Variants in PLB1 observed in about 807,000 individuals in gnomAD.
The protein encoded by PLB1 is phospholipase B1, membrane-associated.
In PLB1, 242 loss-of-function variants were observed where a neutral mutation model predicts 227.4. That is an observed-to-expected ratio of 1.06 (90% CI 0.96 to 1.18). The LOEUF (loss-of-function observed/expected upper bound fraction) is 1.18. PLB1 is among the 50% of genes most tolerant of loss of function. The pLI, the probability that PLB1 is intolerant of heterozygous loss-of-function variation, is 0.00. For missense variants in PLB1, 1,858 were observed against 1,816.3 expected, an observed-to-expected ratio of 1.02 and a Z score of -0.42; for synonymous variants, 757 against 682.2, an observed-to-expected ratio of 1.11 and a Z score of -1.71.
At chr2:28,569,424 A>G (rs1369665435) in intron 20 of PLB1, among the ~76,000 whole-genome samples, 1 of 152,140 alleles carries the variant, frequency 6.6e-6, no homozygotes, top group East Asian at 1.9e-4. Flanking sequence ...GTGTGGATCC[A>G]TATTAGTAAA....
intron 2 of PLB1, 22 bp downstream of exon 2, chr2:28,516,891 A>C: frequency 6.2e-7 from 1 of 1,609,806 alleles, no homozygotes; most frequent in Non-Finnish European, 8.5e-7. Flanking sequence ...GGCTGGTGGG[A>C]GGTGCGTGTG....
Position 28,598,693 on chromosome 2 carries a change from G to C in PLB1, c.2407G>C (p.Val803Leu). ...EFNRNLTGYA[V>L]GTGDANDTNA... The stretch of plus-strand genomic sequence containing the variant: ...TAACAGAAACCTCACAGGCTACGCC[G>C]TGGGCACGGGTGATGCCAATGACAC... Residue 803 changes from valine (V) to leucine (L), a missense_variant, in exon 35 of 58, where the codon GTG (valine) becomes CTG (leucine). Val to Leu is a conservative substitution (Grantham distance 32, BLOSUM62 1). Coordinates refer to ENST00000327757, the MANE Select transcript of PLB1 (RefSeq NM_153021.5). 2 of 1,614,218 alleles carry C rather than the reference G, an allele frequency of 1.2e-6. No homozygotes were observed. The highest frequency in any genetic ancestry group is 2.2e-5 in the South Asian group (2 of 91,092).
At position 28,539,229 on chromosome 2, in the gene PLB1, G is replaced by C. The variant is rs1439711251; in HGVS notation, c.698+51G>C. The C allele has an allele frequency of 4.7e-6, 7 of 1,499,066 alleles. No homozygotes were observed. The African/African-American group carries it at 8.3e-5, about 18-fold the overall frequency. The allele number at this position is 1,499,066 out of a possible 1,614,324, so 92.9% of individuals were successfully genotyped here. On this transcript the variant is annotated intron_variant, in intron 11 of 57. Transcript: ENST00000327757. ...CGCATCTGTGACACGGCTGTCACGT[G>C]TGCGGCCTGTGGGGGCCCTTCATGT... is the stretch of plus-strand genomic sequence containing the variant.
Position 28,573,314 on chromosome 2 carries a change from G to A in PLB1, c.1433+9G>A. 6.2e-7 allele frequency: 1 copy of A among 1,603,416 alleles called. No individual in the cohort carries two copies. The highest frequency in any genetic ancestry group is 8.5e-7 in the Non-Finnish European group (1 of 1,170,938). On this transcript the variant is annotated intron_variant, in intron 21 of 57. Transcript: ENST00000327757. The stretch of plus-strand genomic sequence containing the variant: ...GCAGGAGGCCGAGCTGAGTAAGCAG[G>A]GGTGACCGGGGCGGTGAACAGCACA...
Position 28,599,981 on chromosome 2 carries a change from C to A in PLB1, c.2475-828C>A, listed in dbSNP as rs528382016. 6.6e-5 allele frequency among the ~76,000 whole-genome samples: 10 copies of A among 152,228 alleles called. No individual in the cohort carries two copies. In the South Asian group the frequency reaches 2.1e-3, roughly 32 times the overall value. On this transcript the variant is annotated intron_variant, in intron 35 of 57. Coordinates refer to ENST00000327757, the MANE Select transcript of PLB1 (RefSeq NM_153021.5). ...TGAGTGCTATGGCATGATCTCAGTT[C>A]ACTGCAACCTTCACCTCCCAGGTTT...
At chr2:28,597,236 C>T (rs534287200) in intron 33 of PLB1, among the ~76,000 whole-genome samples, 2 of 146,168 alleles carry the variant, frequency 1.4e-5, no homozygotes, top group South Asian at 4.3e-4. Context: ...TGCACTCCAG[C>T]CTGGGCGACA....
chr2:28,598,047 T>C lies in PLB1; in HGVS notation c.2364T>C (p.Pro788=). The C allele has an allele frequency of 6.2e-7, 1 of 1,612,216 alleles. No homozygotes were observed. Reference sequence around the variant, plus strand: ...CCCTGGAGAATGTGACCACCTTACCTAGTAAGTAACCATCAGGGGCTTGAA... The same window carrying C: ...CCCTGGAGAATGTGACCACCTTACCCAGTAAGTAACCATCAGGGGCTTGAA... ...DGSLENVTTL[P]NILREFNRNL... is the part of the protein sequence containing the mutation. The change falls in exon 34 of 58, where the codon CCT becomes CCC. Residue 788 remains proline (P), a splice_region_variant and synonymous_variant. Coordinates refer to ENST00000327757, the MANE Select transcript of PLB1 (RefSeq NM_153021.5).
chr2:28,519,131 G>T (rs1669189416), intron 3 of PLB1, among the ~76,000 whole-genome samples: 1 of 152,200 alleles, frequency 6.6e-6, no homozygotes, highest in African/African-American at 2.4e-5. Flanking sequence ...TGACCAGGGA[G>T]TATGATCAGT....
At chr2:28,629,764 T>A (rs1038522147) in intron 53 of PLB1, among the ~76,000 whole-genome samples, 2 of 152,190 alleles carry the variant, frequency 1.3e-5, no homozygotes, top group Non-Finnish European at 1.5e-5. Context: ...TAGCTGGGCT[T>A]GGAGGCAAGG....
At chr2:28,536,501 G>A (rs1671697498) in intron 9 of PLB1, among the ~76,000 whole-genome samples, 1 of 152,218 alleles carries the variant, frequency 6.6e-6, no homozygotes, top group South Asian at 2.1e-4. Flanking sequence ...GCCTTTTGGA[G>A]GGTACACTGG....
At chr2:28,549,449 C>T (rs1673869503) in intron 15 of PLB1, among the ~76,000 whole-genome samples, 1 of 103,414 alleles carries the variant, frequency 9.7e-6, no homozygotes, top group Non-Finnish European at 1.8e-5. Flanking sequence ...CGGAGTCTCG[C>T]CCTGTTGCCA....
chr2:28,628,069 C>T (rs1358015608), intron 51 of PLB1, among the ~76,000 whole-genome samples: 1 of 152,194 alleles, frequency 6.6e-6, no homozygotes, highest in Non-Finnish European at 1.5e-5. Flanking sequence ...CAGCCTCCTA[C>T]TGGGGAGATG....
intron 38 of PLB1, 69 bp from the exon 39 acceptor site, chr2:28,602,752 T>G (rs1684102185): frequency 1.4e-6 from 2 of 1,403,562 alleles, no homozygotes; most frequent in Non-Finnish European, 2.0e-6. Context: ...AACCCATTCC[T>G]AGGGGCCCTG....
intron 25 of PLB1, among the ~76,000 whole-genome samples, chr2:28,584,336 C>T (rs1015728841): frequency 1.8e-4 from 27 of 152,248 alleles, no homozygotes; most frequent in African/African-American, 5.8e-4. Context: ...GAAGGCCTCA[C>T]GGTGCTGTGA....
intron 54 of PLB1, 97 bp downstream of exon 54, chr2:28,630,761 C>T: frequency 1.0e-6 from 1 of 963,140 alleles, no homozygotes; most frequent in Non-Finnish European, 1.6e-6. Context: ...TGGCCAAGAG[C>T]AAGCCACTCC....
chr2:28,515,758 T>A (rs79997991), intron 1 of PLB1, among the ~76,000 whole-genome samples: 3,946 of 152,278 alleles, frequency 0.026, 93 homozygotes, highest in Non-Finnish European at 0.037. Flanking sequence ...CATGCGCTTA[T>A]AAGGAAGATG....
At chr2:28,558,152 G>GTC (rs1186580927) in intron 17 of PLB1, among the ~76,000 whole-genome samples, 27 of 84,888 alleles carry the variant, frequency 3.2e-4, no homozygotes, top group African/African-American at 6.7e-4. Flanking sequence ...GGGTGTGTGT[G>GTC]TCTCTGTGTG....
chr2:28,598,774 G>A lies in PLB1; in HGVS notation c.2474+14G>A. On this transcript the variant is annotated intron_variant, in intron 35 of 57. Coordinates refer to ENST00000327757, the MANE Select transcript of PLB1 (RefSeq NM_153021.5). ...AGCAAAGGCTGAGTATGGCATTTGG[G>A]GAGGGAGGGAGCCTGCAGAGCAGGG... The A allele has an allele frequency of 1.9e-6, 3 of 1,594,190 alleles. No individual in the cohort carries two copies. Among genetic ancestry groups the A allele is most frequent in the Non-Finnish European group, 2.6e-6 (3 of 1,161,796 alleles).
At chr2:28,582,299 A>G (rs1017876340) in intron 24 of PLB1, 106 bp from the exon 25 acceptor site, 1 of 1,197,734 alleles carries the variant, frequency 8.3e-7, no homozygotes, top group Admixed American at 2.0e-5. Context: ...ATGGGGGCAG[A>G]TGGAAGTCCC....
Sources: allele counts gnomAD v4.1 joint callset (sites outside exome capture counted in the v4.1 genomes callset), GRCh38; gene constraint gnomAD v4.1.1; transcripts MANE v1.5; gene names NCBI Gene and HGNC (gene_info 2026-07-23, HGNC 2026-07-21).